Variants in CIMIP4 observed in about 807,000 individuals in gnomAD.
CIMIP4 encodes the protein protein EAN57.
chr22:37,000,410 G>C, the CIMIP4 span, among the ~76,000 whole-genome samples: 1 of 152,196 alleles, frequency 6.6e-6, no homozygotes, highest in Non-Finnish European at 1.5e-5. Context: ...ACACAGGGCA[G>C]CTCTGGGTGG....
chr22:37,002,309 C>T, the CIMIP4 span: 1 of 1,376,234 alleles, frequency 7.3e-7, no homozygotes, highest in Non-Finnish European at 9.4e-7. Context: ...TGTACCTGAG[C>T]AGGACAAAGA....
chr22:36,996,118 C>T, the CIMIP4 span, among the ~76,000 whole-genome samples: 4 of 149,892 alleles, frequency 2.7e-5, no homozygotes, highest in African/African-American at 9.7e-5. Flanking sequence ...TTTTCCATGA[C>T]TCAATTATTT....
At chr22:37,004,400 C>A in the CIMIP4 span, among the ~76,000 whole-genome samples, 1 of 152,172 alleles carries the variant, frequency 6.6e-6, no homozygotes, top group Non-Finnish European at 1.5e-5. Context: ...CCATCACCAC[C>A]ACCCTAGGAG....
chr22:37,004,879 G>C, the CIMIP4 span, among the ~76,000 whole-genome samples: 1 of 152,004 alleles, frequency 6.6e-6, no homozygotes, highest in African/African-American at 2.4e-5. Context: ...GTAGAGACAG[G>C]GTTTCACCAT....
chr22:36,993,639 G>A, the CIMIP4 span, among the ~76,000 whole-genome samples: 5 of 151,934 alleles, frequency 3.3e-5, no homozygotes, highest in African/African-American at 7.3e-5. Context: ...TGAGGCAGGA[G>A]AATGGCGTGA....
chr22:37,003,289 G>A, the CIMIP4 span, among the ~76,000 whole-genome samples: 1 of 152,138 alleles, frequency 6.6e-6, no homozygotes, highest in Non-Finnish European at 1.5e-5. Flanking sequence ...TGTTTAACAA[G>A]CCCCTGGGCA....
chr22:37,000,591 C>T, the CIMIP4 span, among the ~76,000 whole-genome samples: 2 of 152,222 alleles, frequency 1.3e-5, no homozygotes, highest in Non-Finnish European at 2.9e-5. Flanking sequence ...CCTCAGTTTC[C>T]CTACATGTAA....
the CIMIP4 span, chr22:36,991,371 T>A: frequency 1.3e-6 from 2 of 1,553,876 alleles, no homozygotes; most frequent in East Asian, 4.5e-5. Flanking sequence ...CTCTTCCAAG[T>A]CCACCCCGGC....
the CIMIP4 span, among the ~76,000 whole-genome samples, chr22:36,999,181 G>A: frequency 1.3e-5 from 2 of 151,762 alleles, no homozygotes; most frequent in Admixed American, 6.6e-5. Flanking sequence ...GGTGGGGAGG[G>A]CGCAGTGACT....
chr22:36,999,599 A>G, the CIMIP4 span, among the ~76,000 whole-genome samples: 119 of 55,332 alleles, frequency 2.2e-3, no homozygotes, highest in South Asian at 2.9e-3. Flanking sequence ...ATGGGAGGGG[A>G]GGGACCAGAG....
the CIMIP4 span, chr22:37,002,254 C>T: frequency 1.4e-6 from 2 of 1,445,540 alleles, no homozygotes; most frequent in Admixed American, 2.9e-5. Context: ...GGTCCAAGTC[C>T]TGTTGGCCCT....
At chr22:37,001,862 AC>A in the CIMIP4 span, 1 of 1,603,038 alleles carries the variant, frequency 6.2e-7, no homozygotes, top group Non-Finnish European at 8.5e-7. Flanking sequence ...CAGCTGGTCC[AC>A]CACATTGCTC....
chr22:36,996,866 T>C, the CIMIP4 span, among the ~76,000 whole-genome samples: 1 of 152,200 alleles, frequency 6.6e-6, no homozygotes, highest in Non-Finnish European at 1.5e-5. Flanking sequence ...TCTATGCATG[T>C]GTCAAAACCT....
At chr22:36,991,216 T>A in the CIMIP4 span, 4 of 1,613,980 alleles carry the variant, frequency 2.5e-6, no homozygotes, top group Non-Finnish European at 3.4e-6. Context: ...GTTTTCTCCA[T>A]ATTTCTCTTC....
At chr22:37,002,708 A>C in the CIMIP4 span, among the ~76,000 whole-genome samples, 1 of 149,292 alleles carries the variant, frequency 6.7e-6, no homozygotes. Context: ...CCATCTTGAA[A>C]CCTCCCCCTC....
the CIMIP4 span, among the ~76,000 whole-genome samples, chr22:37,001,612 A>G: frequency 3.3e-5 from 5 of 152,184 alleles, no homozygotes; most frequent in Admixed American, 3.3e-4. Context: ...CTCCTTATCT[A>G]TAAAATGAGG....
chr22:36,993,901 T>C, the CIMIP4 span, among the ~76,000 whole-genome samples: 3 of 152,214 alleles, frequency 2.0e-5, no homozygotes, highest in African/African-American at 7.2e-5. Flanking sequence ...TCCAGGTATG[T>C]ATCATTGAAG....
At chr22:36,996,422 T>C in the CIMIP4 span, among the ~76,000 whole-genome samples, 1 of 151,314 alleles carries the variant, frequency 6.6e-6, no homozygotes, top group Non-Finnish European at 1.5e-5. Flanking sequence ...TAAAAAGATA[T>C]CATTTTCAAC....
At chr22:37,002,608 G>A in the CIMIP4 span, among the ~76,000 whole-genome samples, 1 of 152,218 alleles carries the variant, frequency 6.6e-6, no homozygotes, top group Non-Finnish European at 1.5e-5. Flanking sequence ...CCCGCCTTGA[G>A]GCCTAGCTGT....
Sources: allele counts gnomAD v4.1 joint callset (sites outside exome capture counted in the v4.1 genomes callset), GRCh38; gene constraint gnomAD v4.1.1; transcripts MANE v1.5; gene names NCBI Gene and HGNC (gene_info 2026-07-23, HGNC 2026-07-21).